Variants in TNNI3K observed in about 807,000 individuals in gnomAD.
TNNI3K encodes TNNI3 interacting kinase.
A neutral mutation model predicts 114.5 loss-of-function variants in TNNI3K; 140 were observed. That is an observed-to-expected ratio of 1.22 (90% confidence interval 1.07 to 1.41). The LOEUF (loss-of-function observed/expected upper bound fraction) is 1.41. Ranked by LOEUF, TNNI3K falls within the 40% of genes most tolerant of loss-of-function variation. The probability of loss-of-function intolerance (pLI) is 0.00; values close to 1 mark genes in which losing one functional copy is unlikely to be tolerated. For synonymous variants in TNNI3K, 347 were observed against 347.5 expected, an observed-to-expected ratio of 1.00 and a Z score of 0.02; for missense variants, 1,125 against 1,007.6, an observed-to-expected ratio of 1.12 and a Z score of -1.58.
At chr1:74,253,586 T>A (rs1296166628) in intron 4 of TNNI3K, among the ~76,000 whole-genome samples, 6 of 151,842 alleles carry the variant, frequency 4.0e-5, no homozygotes, top group Admixed American at 6.6e-5. Context: ...CTGGCCCGGG[T>A]GCTAATCCCC....
intron 21 of TNNI3K, chr1:74,472,162 G>A (rs1249488797): frequency 1.3e-5 from 9 of 716,810 alleles, no homozygotes; most frequent in African/African-American, 3.5e-5. Context: ...GGCTGAAGCG[G>A]GTGTTGCATA....
intron 20 of TNNI3K, among the ~76,000 whole-genome samples, chr1:74,449,177 C>A (rs1666860970): frequency 6.6e-6 from 1 of 151,464 alleles, no homozygotes. Flanking sequence ...CAACTTCTTC[C>A]TGGTTTAGTC....
intron 24 of TNNI3K, among the ~76,000 whole-genome samples, chr1:74,541,119 T>C (rs1278872694): frequency 2.6e-5 from 4 of 152,168 alleles, no homozygotes; most frequent in Admixed American, 1.3e-4. Flanking sequence ...AAAGTATCTG[T>C]CAGTTAAAGA....
chr1:74,305,158 G>T (rs1448890821), intron 5 of TNNI3K, among the ~76,000 whole-genome samples: 1 of 152,104 alleles, frequency 6.6e-6, no homozygotes, highest in Non-Finnish European at 1.5e-5. Context: ...ATGTAGAGAA[G>T]GTGGGGACCA....
intron 5 of TNNI3K, among the ~76,000 whole-genome samples, chr1:74,289,635 G>A (rs776498898): frequency 3.1e-4 from 47 of 151,922 alleles, no homozygotes; most frequent in Admixed American, 7.9e-4. Context: ...ATATCACACA[G>A]CCTTGCCATT....
At chr1:74,378,629 T>TAAA (rs1553138859) in intron 17 of TNNI3K, 3 of 135,792 alleles carry the variant, frequency 2.2e-5, no homozygotes, top group Admixed American at 7.4e-5. Flanking sequence ...TATATATATA[T>TAAA]ATATATATAT....
rs78733051 is a variant in TNNI3K, at chr1:74,532,011, T to C, written c.2352-8223T>C. On this transcript the variant is annotated intron_variant, in intron 23 of 24. Transcript: ENST00000326637. Reference sequence around the variant, plus strand: ...CTGCATAAAAACTAATTGGACCAATTTGAATGGAAGAAAATGTTGCCTGAA... The same window carrying C: ...CTGCATAAAAACTAATTGGACCAATCTGAATGGAAGAAAATGTTGCCTGAA... Among the ~76,000 whole-genome samples, 611 of 152,166 alleles carry C rather than the reference T, an allele frequency of 4.0e-3. 6 individuals carry two copies. Among genetic ancestry groups the C allele is most frequent in the Non-Finnish European group, 3.4e-3 (231 of 67,988 alleles).
chr1:74,252,525 C>A (rs1654990929), intron 4 of TNNI3K, among the ~76,000 whole-genome samples: 1 of 152,200 alleles, frequency 6.6e-6, no homozygotes, highest in Non-Finnish European at 1.5e-5. Context: ...TCACTCACTT[C>A]AAGAATGAAG....
chr1:74,450,351 A>G (rs1666930446), intron 20 of TNNI3K, among the ~76,000 whole-genome samples: 1 of 151,942 alleles, frequency 6.6e-6, no homozygotes, highest in Non-Finnish European at 1.5e-5. Flanking sequence ...AAGAACTAGA[A>G]AAGCAAGAGC....
chr1:74,544,218 G>T lies in TNNI3K; in HGVS notation c.*236G>T. On this transcript the variant is annotated 3_prime_UTR_variant, in exon 25 of 25. Coordinates refer to ENST00000326637, the MANE Select transcript of TNNI3K (RefSeq NM_015978.3). ...TATATGAAGAATTGTTTTTAATTTTGTAAATTAAAAAAAAATTTAGATCGT... is the reference window on the plus strand; with the variant it reads ...TATATGAAGAATTGTTTTTAATTTTTTAAATTAAAAAAAAATTTAGATCGT... 1 of 423,936 alleles carries T rather than the reference G, an allele frequency of 2.4e-6. No homozygotes were observed. Among genetic ancestry groups the T allele is most frequent in the Non-Finnish European group, 4.1e-6 (1 of 245,312 alleles). 26.3% of individuals were successfully genotyped at this position (423,936 alleles called of 1,614,324 possible).
chr1:74,476,503 C>T (rs986143997), intron 21 of TNNI3K, among the ~76,000 whole-genome samples: 3 of 152,116 alleles, frequency 2.0e-5, no homozygotes, highest in African/African-American at 7.2e-5. Context: ...GCAACACATC[C>T]TTTTAGTCCT....
intron 17 of TNNI3K, chr1:74,372,692 G>GAGTAATCATTGCAATA (rs1662678155): frequency 6.6e-6 from 1 of 151,724 alleles, no homozygotes; most frequent in African/African-American, 2.4e-5. Context: ...TAAAACAAAT[G>GAGTAATCATTGCAATA]AGTAATCATT....
In TNNI3K at chr1:74,361,036, C is replaced by T. The variant is rs148224111; in HGVS notation, c.1178-6220C>T. Reference sequence around the variant, plus strand: ...TTCTTTTCCATGTTCTGCTACATGGCATCTGGTGAGTTGATATTCTAAGAA... The same window carrying T: ...TTCTTTTCCATGTTCTGCTACATGGTATCTGGTGAGTTGATATTCTAAGAA... On this transcript the variant is annotated intron_variant, in intron 11 of 24. Coordinates refer to ENST00000326637, the MANE Select transcript of TNNI3K (RefSeq NM_015978.3). 4.5e-3 allele frequency among the ~76,000 whole-genome samples: 686 copies of T among 152,196 alleles called. 10 individuals are homozygous for T. The highest frequency in any genetic ancestry group is 0.016 in the African/African-American group (660 of 41,558).
intron 11 of TNNI3K, among the ~76,000 whole-genome samples, chr1:74,362,647 A>T (rs566513930): frequency 5.0e-4 from 76 of 152,302 alleles, no homozygotes; most frequent in African/African-American, 1.7e-3. Context: ...ACTATGATGT[A>T]GATATTAAAC....
chr1:74,480,468 G>A (rs1269613623), intron 21 of TNNI3K: 2 of 717,488 alleles, frequency 2.8e-6, no homozygotes, highest in Admixed American at 4.0e-5. Flanking sequence ...AACACATCCG[G>A]CATGTGGGCT....
chr1:74,333,137 A>C (rs1660299527), intron 6 of TNNI3K, among the ~76,000 whole-genome samples: 1 of 152,122 alleles, frequency 6.6e-6, no homozygotes, highest in African/African-American at 2.4e-5. Context: ...CCACAGCACC[A>C]CCTGAGGGTT....
Position 74,480,934 on chromosome 1 carries a change from G to A in TNNI3K, c.2122-8255G>A, listed in dbSNP as rs1443270271. ...TCTCAATAGAGGAGAGATATCCATCGGTGATGATTAAAACCCTCGTGGTCA... is the reference window on the plus strand; with the variant it reads ...TCTCAATAGAGGAGAGATATCCATCAGTGATGATTAAAACCCTCGTGGTCA... On this transcript the variant is annotated intron_variant, in intron 21 of 24. Transcript: ENST00000326637. 6 of 716,960 alleles carry A rather than the reference G, an allele frequency of 8.4e-6. No individual in the cohort carries two copies. In the East Asian group the frequency reaches 1.1e-4, roughly 13 times the overall value. The allele number at this position is 716,960 out of a possible 1,614,324, so 44.4% of individuals were successfully genotyped here. A position where few individuals can be genotyped will look rare whatever the true frequency, so the allele number is the denominator to read the frequency against.
At chr1:74,304,920 G>A (rs1179941315) in intron 5 of TNNI3K, among the ~76,000 whole-genome samples, 2 of 152,152 alleles carry the variant, frequency 1.3e-5, no homozygotes, top group African/African-American at 4.8e-5. Context: ...CTGGAACCAA[G>A]CCTGAAATAT....
At chr1:74,286,840 T>A (rs1049296971) in intron 5 of TNNI3K, among the ~76,000 whole-genome samples, 2 of 151,966 alleles carry the variant, frequency 1.3e-5, no homozygotes, top group Non-Finnish European at 2.9e-5. Flanking sequence ...CACAAATAAT[T>A]AGGGAAACAT....
Sources: gnomAD v4.1 joint callset for allele counts (sites outside exome capture counted in the v4.1 genomes callset) on GRCh38, gnomAD v4.1.1 for gene constraint, MANE v1.5 for transcripts, NCBI Gene and HGNC (gene_info 2026-07-23, HGNC 2026-07-21) for gene names.